The following RANBP17 variants were observed in gnomAD, a reference collection of about 807,000 sequenced individuals.
RANBP17 encodes RAN binding protein 17, also known as ran-binding protein 17.
In RANBP17, 158 loss-of-function variants were observed where a neutral mutation model predicts 141.2. The ratio of observed to expected loss-of-function variants is 1.12; its 90% CI spans 0.98 to 1.28. The LOEUF (loss-of-function observed/expected upper bound fraction) is 1.28, where lower values mean the gene tolerates loss of function less well. Ranked by LOEUF, RANBP17 falls within the 50% of genes most tolerant of loss-of-function variation. RANBP17 has a pLI of 0.00. For missense variants in RANBP17, 1,438 were observed against 1,290.7 expected (o/e 1.11, Z -1.75); for synonymous variants, 430 against 450.0 (o/e 0.96, Z 0.56).
chr5:171,252,788 G>A, intron 24 of RANBP17: 1 of 1,231,940 alleles, frequency 8.1e-7, no homozygotes, highest in East Asian at 2.3e-5. Context: ...GAGGGTGTGT[G>A]CAGCCTCATT....
rs752676929 is a variant in RANBP17, at chr5:171,242,657, C to T, written c.2638-25C>T. The T allele has an allele frequency of 9.3e-6, 15 of 1,605,474 alleles. No individual in the cohort carries two copies. The South Asian group carries it at 1.6e-4, about 17-fold the overall frequency. On this transcript the variant is annotated intron_variant, in intron 23 of 27. Transcript: ENST00000523189. The stretch of plus-strand genomic sequence containing the variant: ...TGTATTTTTCTTCTCTGTGGCTTGA[C>T]ATTTAGTATATCTCTGTGTTGTAGC...
intron 18 of RANBP17, among the ~76,000 whole-genome samples, chr5:171,195,653 A>G (rs946639445): frequency 2.6e-5 from 4 of 152,190 alleles, no homozygotes; most frequent in African/African-American, 9.6e-5. Context: ...TGACAATAAC[A>G]TTAGTCCCCA....
intron 20 of RANBP17, 166 bp downstream of exon 20, chr5:171,205,778 G>A: frequency 1.4e-6 from 1 of 705,356 alleles, no homozygotes; most frequent in Non-Finnish European, 2.6e-6. Context: ...GCAGATAACT[G>A]AGCACAGTAT....
intron 14 of RANBP17, among the ~76,000 whole-genome samples, chr5:171,108,533 C>T (rs1755005348): frequency 1.3e-5 from 2 of 152,114 alleles, no homozygotes; most frequent in South Asian, 4.1e-4. Flanking sequence ...CTACCTTACC[C>T]TCCCAAACAG....
intron 14 of RANBP17, among the ~76,000 whole-genome samples, chr5:171,120,008 G>A (rs1295034617): frequency 7.0e-6 from 1 of 141,976 alleles, no homozygotes; most frequent in Non-Finnish European, 1.5e-5. Flanking sequence ...TTGCACTCTG[G>A]CCTGGGCAAC....
At chr5:171,287,877 T>C (rs1396886589) in intron 25 of RANBP17, among the ~76,000 whole-genome samples, 1 of 152,142 alleles carries the variant, frequency 6.6e-6, no homozygotes, top group Non-Finnish European at 1.5e-5. Context: ...GTTTTGTCTT[T>C]ATGGTACCAA....
intron 14 of RANBP17, among the ~76,000 whole-genome samples, chr5:171,121,573 G>A (rs1756035128): frequency 6.6e-6 from 1 of 152,196 alleles, no homozygotes; most frequent in African/African-American, 2.4e-5. Context: ...CTCCCACTCA[G>A]GGCAGAACAT....
intron 3 of RANBP17, among the ~76,000 whole-genome samples, chr5:170,885,868 CTTTTT>C (rs33975152): frequency 7.2e-6 from 1 of 139,380 alleles, no homozygotes; most frequent in Non-Finnish European, 1.6e-5. Context: ...CACTCTCCAC[CTTTTT>C]TTTTTTTTTT....
chr5:171,007,910 A>G (rs1230484408), intron 14 of RANBP17, among the ~76,000 whole-genome samples: 2 of 152,140 alleles, frequency 1.3e-5, no homozygotes, highest in African/African-American at 4.8e-5. Context: ...TTTAAAGAGA[A>G]GGGTAGATAT....
chr5:170,956,133 A>G (rs1370337519), intron 13 of RANBP17, among the ~76,000 whole-genome samples: 3 of 151,802 alleles, frequency 2.0e-5, no homozygotes, highest in African/African-American at 4.8e-5. Context: ...ATTAATGCCA[A>G]TCCTACCCTC....
Position 171,125,311 on chromosome 5 carries a change from A to AAG in RANBP17, c.1711-44818_1711-44817insGA, listed in dbSNP as rs1340414602. Among the ~76,000 whole-genome samples the AAG allele has an allele frequency of 3.7e-3, 551 of 150,702 alleles. 6 individuals carry two copies. The highest frequency in any genetic ancestry group is 0.013 in the African/African-American group (526 of 41,124). ...GACTATGTATCAAAAAAAAAAAAAAAAAAAGAAAGTGAAGGGATGGAAAAA... is the reference window on the plus strand; with the variant it reads ...GACTATGTATCAAAAAAAAAAAAAAAAGAAAAGAAAGTGAAGGGATGGAAAAA... On this transcript the variant is annotated intron_variant, in intron 14 of 27. Coordinates refer to ENST00000523189, the MANE Select transcript of RANBP17 (RefSeq NM_022897.5).
intron 3 of RANBP17, 138 bp from the exon 4 acceptor site, chr5:170,892,249 T>C (rs1769693584): frequency 7.2e-6 from 5 of 690,198 alleles, no homozygotes; most frequent in Middle Eastern, 3.0e-4. Flanking sequence ...TCATCTAGGT[T>C]TTAAGCCCTG....
chr5:171,055,343 A>G (rs553558527), intron 14 of RANBP17, among the ~76,000 whole-genome samples: 2 of 152,274 alleles, frequency 1.3e-5, no homozygotes, highest in Non-Finnish European at 1.5e-5. Context: ...TGATGAAACT[A>G]GCATGTACTA....
chr5:171,068,269 A>AT (rs1429673509), intron 14 of RANBP17, among the ~76,000 whole-genome samples: 15 of 151,876 alleles, frequency 9.9e-5, no homozygotes, highest in Non-Finnish European at 2.1e-4. Context: ...TATAACTTCT[A>AT]TTTTTTGTTA....
chr5:170,916,611 G>A (rs769570535), intron 9 of RANBP17, 27 bp downstream of exon 9: 3 of 1,411,722 alleles, frequency 2.1e-6, no homozygotes, highest in Non-Finnish European at 2.9e-6. Context: ...TTAATACTTA[G>A]CATATAGAGA....
chr5:171,093,406 A>C (rs1786456140), intron 14 of RANBP17, among the ~76,000 whole-genome samples: 2 of 152,202 alleles, frequency 1.3e-5, no homozygotes, highest in African/African-American at 4.8e-5. Flanking sequence ...ATAAGGAATC[A>C]CACACGATAT....
At chr5:171,175,050 G>A (rs1218202438) in intron 16 of RANBP17, among the ~76,000 whole-genome samples, 5 of 152,036 alleles carry the variant, frequency 3.3e-5, no homozygotes, top group Non-Finnish European at 7.4e-5. Flanking sequence ...AACATGTGGT[G>A]TTTGGTTTTC....
chr5:171,182,367 T>G (rs572773250), intron 16 of RANBP17, among the ~76,000 whole-genome samples: 6 of 152,322 alleles, frequency 3.9e-5, no homozygotes, highest in African/African-American at 1.4e-4. Flanking sequence ...TATTCATGTT[T>G]CCGATTTCTT....
chr5:171,117,941 C>T (rs1382021572), intron 14 of RANBP17, among the ~76,000 whole-genome samples: 1 of 152,068 alleles, frequency 6.6e-6, no homozygotes, highest in Non-Finnish European at 1.5e-5. Context: ...CCAGTATTTT[C>T]TCCCATCCTG....
Sources: gnomAD v4.1 joint callset for allele counts (sites outside exome capture counted in the v4.1 genomes callset) on GRCh38, gnomAD v4.1.1 for gene constraint, MANE v1.5 for transcripts, NCBI Gene and HGNC (gene_info 2026-07-23, HGNC 2026-07-21) for gene names.